NFATC1: variants seen among roughly 807,000 people sequenced by gnomAD.
NFATC1 encodes the protein nuclear factor of activated T cells 1.
NFATC1 carries 22 observed loss-of-function variants against 76.0 expected under a neutral mutation model. The observed-to-expected ratio is 0.29, with a 90% CI of 0.21 to 0.41. The LOEUF is 0.41. NFATC1 is among the 10% of genes least tolerant of loss of function. The pLI is 1.00. For synonymous variants in NFATC1, 704 were observed against 613.1 expected, an observed-to-expected ratio of 1.15 and a Z score of -2.19; for missense variants, 1,357 against 1,337.7, an observed-to-expected ratio of 1.01 and a Z score of -0.23.
intron 6 of NFATC1, among the ~76,000 whole-genome samples, chr18:79,459,264 C>T (rs1423418229): frequency 1.3e-5 from 2 of 152,354 alleles, no homozygotes; most frequent in South Asian, 2.1e-4. Flanking sequence ...CCCTTGGGGC[C>T]GCTCCGGCAA....
intron 3 of NFATC1, among the ~76,000 whole-genome samples, chr18:79,439,384 G>C (rs2086893030): frequency 6.6e-6 from 1 of 152,134 alleles, no homozygotes; most frequent in Non-Finnish European, 1.5e-5. Flanking sequence ...GCACGGGGAG[G>C]ACGCCGTGGG....
intron 8 of NFATC1, among the ~76,000 whole-genome samples, chr18:79,479,898 A>G (rs1315753360): frequency 6.6e-6 from 1 of 152,232 alleles, no homozygotes; most frequent in Non-Finnish European, 1.5e-5. Context: ...GGGATGGCAC[A>G]AGACGCCGCT....
intron 8 of NFATC1, among the ~76,000 whole-genome samples, chr18:79,480,844 C>T (rs1424183429): frequency 1.3e-5 from 2 of 152,248 alleles, no homozygotes; most frequent in Non-Finnish European, 2.9e-5. Flanking sequence ...GCACTGGCCC[C>T]CATGCCTGGC....
chr18:79,461,255 G>A (rs934244629), intron 6 of NFATC1, 56 bp from the exon 7 acceptor site: 2 of 1,600,284 alleles, frequency 1.2e-6, no homozygotes, highest in African/African-American at 2.7e-5. Flanking sequence ...GGGGTGTCTG[G>A]GGAGGGGGCT....
At chr18:79,403,518 G>T (rs949913490) in intron 1 of NFATC1, among the ~76,000 whole-genome samples, 1 of 152,246 alleles carries the variant, frequency 6.6e-6, no homozygotes, top group Non-Finnish European at 1.5e-5. Flanking sequence ...GGCGTGCCCT[G>T]CTTCCCGCCC....
At chr18:79,398,124 G>A (rs910348624) in intron 1 of NFATC1, among the ~76,000 whole-genome samples, 2 of 152,152 alleles carry the variant, frequency 1.3e-5, no homozygotes, top group Non-Finnish European at 2.9e-5. Flanking sequence ...TGCGTCCCTC[G>A]GGTTTCGGGA....
In NFATC1 at chr18:79,407,172, A is replaced by G. The variant is rs2085472154; in HGVS notation, c.128-3231A>G. ...AGCTGCTTTCCAGGCTCATTTTTAG[A>G]AAGTTGGTCACAGAAGTTTTAGCGT... On this transcript the variant is annotated intron_variant, in intron 1 of 9. Transcript: ENST00000427363. 2.6e-5 allele frequency among the ~76,000 whole-genome samples: 4 copies of G among 152,320 alleles called. No individual in the cohort carries two copies. In the South Asian group the frequency reaches 8.3e-4, roughly 32 times the overall value.
chr18:79,421,989 C>T (rs11663549), intron 2 of NFATC1: 12,277 of 152,308 alleles, frequency 0.081, 671 homozygotes, highest in Non-Finnish European at 0.11. Context: ...GTAACACATC[C>T]TTATTTTGAA....
chr18:79,489,061 C>A (rs952797581), intron 9 of NFATC1, among the ~76,000 whole-genome samples: 2 of 152,216 alleles, frequency 1.3e-5, no homozygotes, highest in Non-Finnish European at 1.5e-5. Context: ...GAGATCATCC[C>A]TTTACCCAGC....
intron 9 of NFATC1, among the ~76,000 whole-genome samples, chr18:79,503,841 A>G (rs1173036357): frequency 3.3e-5 from 5 of 152,164 alleles, no homozygotes; most frequent in African/African-American, 1.2e-4. Flanking sequence ...TCTCCTGGAG[A>G]ACTTGCTGCA....
At chr18:79,454,437 C>T (rs550745227) in intron 6 of NFATC1, among the ~76,000 whole-genome samples, 1 of 152,296 alleles carries the variant, frequency 6.6e-6, no homozygotes, top group South Asian at 2.1e-4. Flanking sequence ...CTGGGAGAAG[C>T]TGGTGTTGGC....
At chr18:79,413,058 A>G (rs2085752457) in intron 2 of NFATC1, among the ~76,000 whole-genome samples, 1 of 152,218 alleles carries the variant, frequency 6.6e-6, no homozygotes, top group Non-Finnish European at 1.5e-5. Flanking sequence ...TTGTTTAAGT[A>G]AAAGTACAAG....
chr18:79,404,865 C>G (rs1326130231), intron 1 of NFATC1, among the ~76,000 whole-genome samples: 1 of 152,344 alleles, frequency 6.6e-6, no homozygotes, highest in East Asian at 1.9e-4. Context: ...GGTTAGAATG[C>G]TGTGCACCTG....
chr18:79,461,681 A>G (rs2088106121), intron 7 of NFATC1, among the ~76,000 whole-genome samples: 1 of 152,144 alleles, frequency 6.6e-6, no homozygotes, highest in Admixed American at 6.5e-5. Flanking sequence ...AGGTCGTCTC[A>G]CACGGACCCT....
At chr18:79,480,028 C>G (rs529411345) in intron 8 of NFATC1, among the ~76,000 whole-genome samples, 1 of 152,200 alleles carries the variant, frequency 6.6e-6, no homozygotes, top group Non-Finnish European at 1.5e-5. Flanking sequence ...GAACAGGGCC[C>G]GCACCTGCAG....
Position 79,411,441 on chromosome 18 carries a change from T to G in NFATC1, c.1166T>G (p.Val389Gly). The G allele has an allele frequency of 1.3e-6, 2 of 1,522,756 alleles. No homozygotes were observed. Among genetic ancestry groups the G allele is most frequent in the Non-Finnish European group, 1.8e-6 (2 of 1,138,396 alleles). The allele number at this position is 1,522,756 out of a possible 1,614,324, so 94.3% of individuals were successfully genotyped here. ...GGCTTCTGCGACCAGTACCTGGCGG[T>G]GCCGCAGCACCCCTACCAGTGGGCG... Reference protein sequence around the residue: ...KGGFCDQYLAVPQHPYQWAKP... With the variant: ...KGGFCDQYLAGPQHPYQWAKP... The change falls in exon 2 of 10, where the codon GTG becomes GGG. Residue 389 changes from valine (V) to glycine (G), a missense_variant. This residue lies in a region of NFATC1 where 691 missense variants were observed against 613.1 expected (regional missense o/e 1.13). Coordinates refer to ENST00000427363, the MANE Select transcript of NFATC1 (RefSeq NM_001278669.2).
chr18:79,439,322 C>T (rs75588847), intron 3 of NFATC1, among the ~76,000 whole-genome samples: 6,444 of 152,250 alleles, frequency 0.042, 177 homozygotes, highest in Non-Finnish European at 0.059. Flanking sequence ...TATTGCAGAA[C>T]CTCAAACAGC....
At chr18:79,464,721 T>TTTTTTTTTTTTTTG (rs1429149757) in intron 7 of NFATC1, among the ~76,000 whole-genome samples, 1 of 143,962 alleles carries the variant, frequency 6.9e-6, no homozygotes, top group Non-Finnish European at 1.5e-5. Context: ...TTTTTTTTTT[T>TTTTTTTTTTTTTTG]TTGAGACAGG....
chr18:79,513,318 G>A (rs2145182725), intron 9 of NFATC1, among the ~76,000 whole-genome samples: 1 of 152,266 alleles, frequency 6.6e-6, no homozygotes, highest in Middle Eastern at 3.4e-3. Context: ...GGCCTCCGCG[G>A]CCAGGGCGTG....
Sources: gnomAD v4.1 joint callset for allele counts (sites outside exome capture counted in the v4.1 genomes callset) on GRCh38, gnomAD v4.1.1 for gene constraint, gnomAD v4.1.1 regional missense constraint, MANE v1.5 for transcripts, NCBI Gene and HGNC (gene_info 2026-07-23, HGNC 2026-07-21) for gene names.